The following DBH variants were observed in gnomAD, a reference collection of about 807,000 sequenced individuals.
DBH encodes dopamine beta-hydroxylase.
A neutral mutation model predicts 64.0 loss-of-function variants in DBH; 49 were observed. The observed-to-expected ratio is 0.77, with a 90% CI of 0.61 to 0.97. DBH has a LOEUF of 0.97. DBH is among the 50% of genes least tolerant of loss of function. DBH has a pLI of 0.00. For missense variants in DBH, 828 were observed against 826.6 expected (o/e 1.00, Z -0.02); for synonymous variants, 343 against 347.1 (o/e 0.99, Z 0.13).
intron 6 of DBH, among the ~76,000 whole-genome samples, chr9:133,650,480 CT>C (rs71981752): frequency 0.056 from 8,013 of 144,092 alleles, 453 homozygotes; most frequent in African/African-American, 0.16. Flanking sequence ...CTTTCTTTTT[CT>C]TTTTCTTTCT....
Position 133,642,932 on chromosome 9 carries a change from T to G in DBH, c.744+468T>G, listed in dbSNP as rs190751401. On this transcript the variant is annotated intron_variant, in intron 3 of 11. Transcript: ENST00000393056. ...CCTCCTTCATCATAAGAGCCCCTAGTTTCCAGCAGAGGAAGTGTGGCCCAG... is the reference window on the plus strand; with the variant it reads ...CCTCCTTCATCATAAGAGCCCCTAGGTTCCAGCAGAGGAAGTGTGGCCCAG... Among the ~76,000 whole-genome samples the G allele has an allele frequency of 5.7e-3, 863 of 152,206 alleles. 9 individuals are homozygous for G. Among genetic ancestry groups the G allele is most frequent in the African/African-American group, 0.019 (790 of 41,524 alleles).
At chr9:133,652,527 G>A (rs772416572) in intron 8 of DBH, among the ~76,000 whole-genome samples, 11 of 152,114 alleles carry the variant, frequency 7.2e-5, no homozygotes, top group Admixed American at 1.3e-4. Flanking sequence ...CAGGGGACGC[G>A]TGTCCTCAGT....
chr9:133,638,995 C>T (rs866506235), intron 1 of DBH, among the ~76,000 whole-genome samples: 5 of 152,050 alleles, frequency 3.3e-5, no homozygotes, highest in Admixed American at 6.5e-5. Flanking sequence ...GAAGCATCCT[C>T]GGAGAATGCA....
chr9:133,652,792 A>G (rs1832266561), intron 8 of DBH, 148 bp from the exon 9 acceptor site: 5 of 689,924 alleles, frequency 7.2e-6, no homozygotes, highest in Non-Finnish European at 1.1e-5. Context: ...TCGCACATGA[A>G]TCTGCTGGGC....
intron 1 of DBH, among the ~76,000 whole-genome samples, chr9:133,638,593 G>A (rs1403235115): frequency 1.3e-5 from 2 of 152,114 alleles, no homozygotes; most frequent in African/African-American, 2.4e-5. Flanking sequence ...GTGTTTTAGG[G>A]TTGGGGCAAT....
chr9:133,658,384 C>G lies in DBH; in HGVS notation c.1791C>G (p.Pro597=). Residue 597 remains proline, a synonymous_variant, in exon 12 of 12, where the codon CCC becomes CCG. Transcript: ENST00000393056. The stretch of plus-strand genomic sequence containing the variant: ...TGGAAGAGCCCACCCCACAGTGCCC[C>G]ACCAGCCAGGGCCGAAGCCCTGCTG... ...STLEEPTPQC[P]TSQGRSPAGP... 6.2e-7 allele frequency: 1 copy of G among 1,613,878 alleles called. No individual in the cohort carries two copies. Among genetic ancestry groups the G allele is most frequent in the Non-Finnish European group, 8.5e-7 (1 of 1,179,886 alleles).
chr9:133,637,285 TG>T (rs1385948763), intron 1 of DBH, among the ~76,000 whole-genome samples: 1 of 152,238 alleles, frequency 6.6e-6, no homozygotes, highest in Non-Finnish European at 1.5e-5. Flanking sequence ...ACTGTTAGGA[TG>T]GGCTCTTGAC....
At chr9:133,644,949 A>G (rs943888299) in intron 5 of DBH, among the ~76,000 whole-genome samples, 1 of 112,022 alleles carries the variant, frequency 8.9e-6, no homozygotes, top group Non-Finnish European at 2.1e-5. Flanking sequence ...CACAATGCAC[A>G]CACACACGCA....
chr9:133,654,256 A>G (rs997930591), intron 9 of DBH, among the ~76,000 whole-genome samples: 17 of 152,172 alleles, frequency 1.1e-4, no homozygotes, highest in Admixed American at 1.1e-3. Context: ...GGCACCCACC[A>G]CCACGCCTGG....
intron 9 of DBH, among the ~76,000 whole-genome samples, chr9:133,653,265 C>A (rs144528810): frequency 6.6e-6 from 1 of 152,058 alleles, no homozygotes; most frequent in East Asian, 1.9e-4. Flanking sequence ...AAGCTCCCAG[C>A]GGATGTTGAC....
rs1290757054 is a variant in DBH at position 133,639,943 on chromosome 9, T to C, written c.437T>C (p.Leu146Pro). The C allele has an allele frequency of 1.2e-6, 2 of 1,613,862 alleles. No homozygotes were observed. Residue 146 changes from leucine (L) to proline (P), a missense_variant, in exon 2 of 12, where the codon CTT becomes CCT. By Grantham distance (98) the Leu-to-Pro change is moderately conservative. Transcript: ENST00000393056. ...VQRTPEGLTL[L>P]FKRPFGTCDP... ...AGGACCCCAGAAGGCCTGACCCTGC[T>C]TTTCAAGAGGCCCTTTGGCACCTGC...
chr9:133,658,425 G>A lies in DBH; in HGVS notation c.1832G>A (p.Ser611Asn), dbSNP rs369241353. 34 of 1,612,234 alleles carry A rather than the reference G, an allele frequency of 2.1e-5. No individual in the cohort carries two copies. Among genetic ancestry groups the A allele is most frequent in the Non-Finnish European group, 2.8e-5 (33 of 1,179,042 alleles). ...AGCCCTGCTGGCCCCACCGTTGTCA[G>A]CATTGGTGGGGGCAAAGGCTGAGGG... The part of the protein sequence containing the change: ...GRSPAGPTVV[S>N]IGGGKG The change falls in exon 12 of 12, where the codon AGC (serine) becomes AAC (asparagine). Residue 611 changes from serine (S) to asparagine (N), a missense_variant. Physicochemically the swap from Ser to Asn is conservative, Grantham distance 46. Coordinates refer to ENST00000393056, the MANE Select transcript of DBH (RefSeq NM_000787.4).
At chr9:133,641,681 A>G (rs1187410510) in intron 2 of DBH, among the ~76,000 whole-genome samples, 1 of 152,168 alleles carries the variant, frequency 6.6e-6, no homozygotes, top group Non-Finnish European at 1.5e-5. Context: ...GCGTAGATCC[A>G]TGGAGCTTTC....
intron 6 of DBH, among the ~76,000 whole-genome samples, chr9:133,651,256 G>A (rs1832244608): frequency 6.6e-6 from 1 of 152,264 alleles, no homozygotes; most frequent in South Asian, 2.1e-4. Flanking sequence ...CAGCACAGAG[G>A]CCACGCGCTG....
Position 133,657,158 on chromosome 9 carries a change from G to A in DBH, c.1651G>A (p.Val551Ile), listed in dbSNP as rs200575355. The change falls in exon 11 of 12, where the codon GTA becomes ATA. Residue 551 changes from valine (V) to isoleucine (I), a missense_variant. Physicochemically the swap from Val to Ile is conservative, Grantham distance 29. Transcript: ENST00000393056. ...TCCCTGGAACTCCTTCAACCGCGAC[G>A]TACTGAAGGCCCTGTACAGCTTCGC... ...SVPWNSFNRD[V>I]LKALYSFAPI... The A allele has an allele frequency of 1.1e-5, 18 of 1,613,986 alleles. No individual in the cohort carries two copies. The highest frequency in any genetic ancestry group is 5.3e-5 in the African/African-American group (4 of 74,916).
At chr9:133,652,821 G>A (rs1000839506) in intron 8 of DBH, 119 bp from the exon 9 acceptor site, 12 of 754,348 alleles carry the variant, frequency 1.6e-5, no homozygotes, top group Non-Finnish European at 2.9e-5. Context: ...GTGGACGACA[G>A]GGACTGTACC....
At chr9:133,648,394 C>G (rs1832208496) in intron 6 of DBH, among the ~76,000 whole-genome samples, 1 of 152,220 alleles carries the variant, frequency 6.6e-6, no homozygotes, top group South Asian at 2.1e-4. Flanking sequence ...CTGAGATAGC[C>G]ACTTCTTGGC....
chr9:133,657,945 C>T (rs1037841167), intron 11 of DBH, among the ~76,000 whole-genome samples: 4 of 152,098 alleles, frequency 2.6e-5, no homozygotes, highest in Admixed American at 6.5e-5. Flanking sequence ...GTGGGGTGGA[C>T]GTCTGATGGG....
chr9:133,654,244 C>T (rs112918436), intron 9 of DBH, among the ~76,000 whole-genome samples: 16 of 152,308 alleles, frequency 1.1e-4, no homozygotes, highest in Non-Finnish European at 2.4e-4. Context: ...GCTGGGACTA[C>T]AGGCACCCAC....
Sources: gnomAD v4.1 joint callset for allele counts (sites outside exome capture counted in the v4.1 genomes callset) on GRCh38, gnomAD v4.1.1 for gene constraint, MANE v1.5 for transcripts, NCBI Gene and HGNC (gene_info 2026-07-23, HGNC 2026-07-21) for gene names.